Variants in FDXR observed in about 807,000 individuals in gnomAD.
The protein encoded by FDXR is NADPH:adrenodoxin oxidoreductase, mitochondrial.
A neutral mutation model predicts 58.3 loss-of-function variants in FDXR; 38 were observed. The ratio of observed to expected loss-of-function variants is 0.65; its 90% CI spans 0.50 to 0.85. FDXR has a LOEUF of 0.85. FDXR is among the 40% of genes least tolerant of loss of function. The probability of loss-of-function intolerance (pLI) is 0.00; values close to 1 mark genes in which losing one functional copy is unlikely to be tolerated. For synonymous variants in FDXR, 275 were observed against 273.8 expected (o/e 1.00, Z -0.04); for missense variants, 624 against 671.0 (o/e 0.93, Z 0.77).
chr17:74,872,250 C>A, intron 1 of FDXR, 117 bp from the exon 2 acceptor site: 1 of 1,542,032 alleles, frequency 6.5e-7, no homozygotes. Context: ...CACCTGCATC[C>A]TCCTTCTCTT....
intron 3 of FDXR, 50 bp from the exon 4 acceptor site, chr17:74,866,618 G>A (rs2144662866): frequency 5.0e-6 from 8 of 1,612,388 alleles, no homozygotes; most frequent in Non-Finnish European, 5.9e-6. Context: ...GGCAGCTCCA[G>A]GGACCAAGTC....
intron 1 of FDXR, 150 bp from the exon 2 acceptor site, chr17:74,872,283 G>A (rs1334526504): frequency 4.6e-6 from 7 of 1,536,708 alleles, no homozygotes; most frequent in Non-Finnish European, 5.2e-6. Flanking sequence ...TTTGGCATTT[G>A]CAGGGTCTCT....
rs1260009450 is a variant in FDXR at position 74,872,963 on chromosome 17, G to C, written c.-19C>G. On this transcript the variant is annotated 5_prime_UTR_variant, in exon 1 of 12. Coordinates refer to ENST00000293195, the MANE Select transcript of FDXR (RefSeq NM_024417.5). ...AAGCCATGGCTGGGAGCAGCAACCT[G>C]CAAGTGGATCTGTTCCTAGCTACTG... The C allele has an allele frequency of 6.5e-7, 1 of 1,548,618 alleles. No homozygotes were observed. Among genetic ancestry groups the C allele is most frequent in the South Asian group, 1.2e-5 (1 of 84,094 alleles).
rs1271058955 is a variant in FDXR, at chr17:74,863,879, T to G, written c.1174+17A>C. ...TCTCACCATAATTCAGCACCCAGCC[T>G]CCTCACACCCTCTCACCTGGCACAT... On this transcript the variant is annotated intron_variant, in intron 10 of 11. Transcript: ENST00000293195. 6.2e-7 allele frequency: 1 copy of G among 1,603,906 alleles called. No individual in the cohort carries two copies. The highest frequency in any genetic ancestry group is 2.2e-5 in the East Asian group (1 of 44,706).
Position 74,872,084 on chromosome 17 carries a change from C to A in FDXR, c.129G>T (p.Val43=). The A allele has an allele frequency of 6.2e-7, 1 of 1,606,716 alleles. No homozygotes were observed. The highest frequency in any genetic ancestry group is 1.1e-5 in the South Asian group (1 of 90,088). The change falls in exon 2 of 12, where the codon GTG becomes GTT. Residue 43 remains valine (V), a synonymous_variant. Transcript: ENST00000293195. ...AGAAGCCAGCTGGGCCACTGCCCAC[C>A]ACACAGATCTGGGGGGTCTTCTCCT... ...STQEKTPQIC[V]VGSGPAGFYT...
chr17:74,864,858 C>G lies in FDXR; in HGVS notation c.683G>C (p.Arg228Pro), dbSNP rs763067630. ...SRVKTVWLVG[R>P]RGPLQVAFTI... is the part of the protein sequence containing the mutation. ...GAAGGCCACTTGCAGGGGTCCACGC[C>G]GGCCCACTAGCCACACTGTCTTCAC... is the stretch of plus-strand genomic sequence containing the variant. The change falls in exon 7 of 12, where the codon CGG becomes CCG. Residue 228 changes from arginine to proline, a missense_variant. Transcript: ENST00000293195. The G allele has an allele frequency of 6.2e-7, 1 of 1,614,100 alleles. No individual in the cohort carries two copies. The highest frequency in any genetic ancestry group is 1.7e-5 in the Admixed American group (1 of 60,030).
chr17:74,870,537 AAG>A (rs1490938334), intron 2 of FDXR, among the ~76,000 whole-genome samples: 30 of 150,318 alleles, frequency 2.0e-4, no homozygotes, highest in African/African-American at 6.6e-4. Flanking sequence ...AAAAAAAAAA[AAG>A]AACACTGCCT....
At chr17:74,863,827 G>A (rs2038061035) in intron 10 of FDXR, 69 bp downstream of exon 10, 2 of 1,542,854 alleles carry the variant, frequency 1.3e-6, no homozygotes, top group Non-Finnish European at 8.8e-7. Flanking sequence ...TGAACGCATG[G>A]CCCCAGGAGA....
At chr17:74,866,620 G>T in intron 3 of FDXR, 52 bp from the exon 4 acceptor site, 2 of 1,611,664 alleles carry the variant, frequency 1.2e-6, no homozygotes, top group Non-Finnish European at 1.7e-6. Flanking sequence ...CAGCTCCAGG[G>T]ACCAAGTCTG....
chr17:74,866,276 G>T, intron 4 of FDXR, 32 bp from the exon 5 acceptor site: 1 of 1,597,906 alleles, frequency 6.3e-7, no homozygotes, highest in Non-Finnish European at 8.6e-7. Flanking sequence ...GAGACCCACA[G>T]CCTTCAGCAC....
chr17:74,866,374 G>T, intron 4 of FDXR, 72 bp downstream of exon 4: 1 of 1,589,628 alleles, frequency 6.3e-7, no homozygotes, highest in South Asian at 1.1e-5. Context: ...CACCCCTGCT[G>T]CCTTCCACCC....
chr17:74,871,769 G>A (rs1398054698), intron 2 of FDXR, among the ~76,000 whole-genome samples: 1 of 152,196 alleles, frequency 6.6e-6, no homozygotes, highest in Non-Finnish European at 1.5e-5. Context: ...AAGCCCCCTG[G>A]AGTGCTTGGC....
chr17:74,865,759 T>G lies in FDXR; in HGVS notation c.569A>C (p.Asp190Ala). ...VILGQGNVAL[D>A]VARILLTPPE... ...TGGGGTCAGTAGGATGCGGGCCACGTCCAGAGCCACGTTCCCCTGCCCCAG... is the reference window on the plus strand; with the variant it reads ...TGGGGTCAGTAGGATGCGGGCCACGGCCAGAGCCACGTTCCCCTGCCCCAG... The change falls in exon 6 of 12, where the codon GAC becomes GCC. Residue 190 changes from aspartate to alanine, a missense_variant. Asp to Ala is a moderately radical substitution (Grantham distance 126). Transcript: ENST00000293195. 1.9e-6 allele frequency: 3 copies of G among 1,613,464 alleles called. No individual in the cohort carries two copies. Among genetic ancestry groups the G allele is most frequent in the Non-Finnish European group, 1.7e-6 (2 of 1,179,940 alleles).
chr17:74,868,065 A>T (rs890806652), intron 2 of FDXR, among the ~76,000 whole-genome samples: 3 of 150,904 alleles, frequency 2.0e-5, no homozygotes, highest in African/African-American at 7.3e-5. Flanking sequence ...CCCCCAACAA[A>T]GGCTCCCACC....
chr17:74,870,496 G>A (rs1213516646), intron 2 of FDXR, among the ~76,000 whole-genome samples: 7 of 110,424 alleles, frequency 6.3e-5, no homozygotes, highest in East Asian at 2.7e-4. Context: ...CAGCCTGGGC[G>A]ACAGAGCCAG....
intron 4 of FDXR, 32 bp downstream of exon 4, chr17:74,866,414 G>A (rs769528827): frequency 1.2e-6 from 2 of 1,609,546 alleles, no homozygotes; most frequent in South Asian, 2.2e-5. Context: ...TGCAGCCCCT[G>A]CCTCCCCAAG....
chr17:74,872,276 G>A (rs1235548666), intron 1 of FDXR, 143 bp from the exon 2 acceptor site: 4 of 1,537,328 alleles, frequency 2.6e-6, no homozygotes, highest in Non-Finnish European at 3.5e-6. Context: ...TCAAGGCTTT[G>A]GCATTTGCAG....
chr17:74,866,867 C>T lies in FDXR; in HGVS notation c.187G>A (p.Ala63Thr), dbSNP rs373544862. Residue 63 changes from alanine (A) to threonine (T), a missense_variant, in exon 3 of 12, where the codon GCC (alanine) becomes ACC (threonine). Transcript: ENST00000293195. ...TAQHLLKHPQAHVDIYEKQPV... is the reference protein window; with the variant it reads ...TAQHLLKHPQTHVDIYEKQPV... ...TGTTTCTCGTAGATGTCCACGTGGG[C>T]CTGGGGGTGCTGCTGGGGAACAGGG... 1 of 1,613,770 alleles carries T rather than the reference C, an allele frequency of 6.2e-7. No individual in the cohort carries two copies. The highest frequency in any genetic ancestry group is 1.7e-5 in the Admixed American group (1 of 59,944).
chr17:74,872,644 CTCCTT>C, intron 1 of FDXR: 1 of 1,010,770 alleles, frequency 9.9e-7, no homozygotes, highest in Non-Finnish European at 1.4e-6. Context: ...CTCAAAGTCT[CTCCTT>C]TTCACCTTTG....
Sources: allele counts gnomAD v4.1 joint callset (sites outside exome capture counted in the v4.1 genomes callset), GRCh38; gene constraint gnomAD v4.1.1; transcripts MANE v1.5; gene names NCBI Gene and HGNC (gene_info 2026-07-23, HGNC 2026-07-21).